Variants in GLI3 observed in about 807,000 individuals in gnomAD.
The protein encoded by GLI3 is GLI family zinc finger 3.
In GLI3, 20 loss-of-function variants were observed where a neutral mutation model predicts 100.8. The observed-to-expected ratio is 0.20, with a 90% CI of 0.14 to 0.29. GLI3 has a LOEUF of 0.29. GLI3 is among the 10% of genes least tolerant of loss of function. GLI3 has a pLI of 1.00. For missense variants in GLI3, 2,040 were observed against 2,128.5 expected, an observed-to-expected ratio of 0.96 and a Z score of 0.82; for synonymous variants, 938 against 860.5, an observed-to-expected ratio of 1.09 and a Z score of -1.58.
intron 4 of GLI3, among the ~76,000 whole-genome samples, chr7:42,056,406 G>A (rs1784462324): frequency 6.6e-6 from 1 of 152,162 alleles, no homozygotes; most frequent in African/African-American, 2.4e-5. Context: ...GCATTCACAG[G>A]AGGCTCCCAA....
At chr7:42,045,054 A>AT (rs1784217264) in intron 6 of GLI3, among the ~76,000 whole-genome samples, 1 of 152,128 alleles carries the variant, frequency 6.6e-6, no homozygotes, top group Admixed American at 6.5e-5. Flanking sequence ...CACCCAGCTA[A>AT]TTTTTAATTT....
chr7:42,126,000 C>T (rs924811678), intron 3 of GLI3, among the ~76,000 whole-genome samples: 2 of 152,102 alleles, frequency 1.3e-5, no homozygotes, highest in African/African-American at 2.4e-5. Context: ...GAAAAAACAG[C>T]AGCACACAAA....
chr7:41,993,090 C>A (rs1432412792), intron 10 of GLI3, among the ~76,000 whole-genome samples: 1 of 152,108 alleles, frequency 6.6e-6, no homozygotes, highest in East Asian at 1.9e-4. Context: ...GACCTCATCC[C>A]AGAATACAGA....
At chr7:42,090,057 C>T (rs754037226) in intron 3 of GLI3, among the ~76,000 whole-genome samples, 1 of 151,998 alleles carries the variant, frequency 6.6e-6, no homozygotes, top group Admixed American at 6.6e-5. Context: ...TGTAGGCAAC[C>T]GTAACACAAT....
intron 3 of GLI3, among the ~76,000 whole-genome samples, chr7:42,116,571 T>C (rs1013054362): frequency 3.9e-5 from 6 of 151,936 alleles, no homozygotes; most frequent in Non-Finnish European, 8.8e-5. Context: ...GTAAAATCTA[T>C]CCATTTGTTT....
intron 1 of GLI3, among the ~76,000 whole-genome samples, chr7:42,260,154 G>C (rs1583679524): frequency 6.6e-6 from 1 of 152,178 alleles, no homozygotes; most frequent in Admixed American, 6.5e-5. Flanking sequence ...ACACTGGCTA[G>C]AGCATCTCTA....
intron 10 of GLI3, among the ~76,000 whole-genome samples, chr7:41,986,681 GA>G (rs1162014411): frequency 6.6e-6 from 1 of 151,970 alleles, no homozygotes; most frequent in Non-Finnish European, 1.5e-5. Flanking sequence ...AATTGGGGAT[GA>G]CAGCAAAAGG....
At chr7:42,014,337 C>T (rs2128726839) in intron 10 of GLI3, among the ~76,000 whole-genome samples, 1 of 152,344 alleles carries the variant, frequency 6.6e-6, no homozygotes, top group Admixed American at 6.5e-5. Context: ...TCCGGACATA[C>T]TTTGGTTCTG....
chr7:42,124,064 A>G (rs1041142351), intron 3 of GLI3, among the ~76,000 whole-genome samples: 4 of 151,868 alleles, frequency 2.6e-5, no homozygotes, highest in African/African-American at 9.7e-5. Flanking sequence ...GCCTCTCCCC[A>G]CTGTCTTGTC....
At chr7:42,147,541 A>G (rs886225283) in intron 3 of GLI3, among the ~76,000 whole-genome samples, 2 of 152,260 alleles carry the variant, frequency 1.3e-5, no homozygotes, top group African/African-American at 4.8e-5. Context: ...GAAACAGGTC[A>G]GAAATAAACT....
chr7:42,103,570 T>C (rs67773859), intron 3 of GLI3, among the ~76,000 whole-genome samples: 16,275 of 152,224 alleles, frequency 0.11, 959 homozygotes, highest in African/African-American at 0.16. Context: ...TTCTCCAAGA[T>C]ACTTAGGGAA....
intron 7 of GLI3, among the ~76,000 whole-genome samples, chr7:42,037,760 T>C (rs746327112): frequency 1.3e-5 from 2 of 152,022 alleles, no homozygotes; most frequent in Non-Finnish European, 2.9e-5. Context: ...ATATAAAGAG[T>C]TGTGGTATAG....
intron 2 of GLI3, among the ~76,000 whole-genome samples, chr7:42,199,785 G>A (rs1788000869): frequency 6.6e-6 from 1 of 152,138 alleles, no homozygotes; most frequent in African/African-American, 2.4e-5. Context: ...GCCAGGTGTG[G>A]TGGCTCACAC....
At chr7:42,108,531 A>G (rs1334148260) in intron 3 of GLI3, among the ~76,000 whole-genome samples, 1 of 152,160 alleles carries the variant, frequency 6.6e-6, no homozygotes, top group African/African-American at 2.4e-5. Flanking sequence ...GTTCAAGTTT[A>G]GCCCCTTATT....
intron 10 of GLI3, among the ~76,000 whole-genome samples, chr7:42,000,375 G>T (rs1043352211): frequency 6.6e-6 from 1 of 152,048 alleles, no homozygotes; most frequent in Non-Finnish European, 1.5e-5. Flanking sequence ...ATCAGAAAAA[G>T]CAAACAAATT....
chr7:42,034,455 C>A (rs1003092973), intron 7 of GLI3, among the ~76,000 whole-genome samples: 1 of 152,120 alleles, frequency 6.6e-6, no homozygotes. Flanking sequence ...AGATCTAAGG[C>A]CCCAGATCTT....
intron 3 of GLI3, among the ~76,000 whole-genome samples, chr7:42,120,586 C>T (rs2128771073): frequency 6.6e-6 from 1 of 152,312 alleles, no homozygotes; most frequent in East Asian, 1.9e-4. Context: ...TTATTACCCC[C>T]TCTCCTTGAT....
chr7:41,986,990 C>T (rs532389991), intron 10 of GLI3, among the ~76,000 whole-genome samples: 35 of 151,820 alleles, frequency 2.3e-4, no homozygotes, highest in African/African-American at 6.5e-4. Flanking sequence ...CCCAGAGCTA[C>T]ACCTCTCCTT....
At chr7:42,064,367 T>C (rs932384408) in intron 4 of GLI3, among the ~76,000 whole-genome samples, 1 of 152,318 alleles carries the variant, frequency 6.6e-6, no homozygotes, top group Middle Eastern at 3.4e-3. Flanking sequence ...TTAATTTATT[T>C]TGTACATGAA....
Sources: allele counts gnomAD v4.1 joint callset (sites outside exome capture counted in the v4.1 genomes callset), GRCh38; gene constraint gnomAD v4.1.1; transcripts MANE v1.5; gene names NCBI Gene and HGNC (gene_info 2026-07-23, HGNC 2026-07-21).